The following SHISAL1 variants were observed in gnomAD, a reference collection of about 807,000 sequenced individuals.
The protein encoded by SHISAL1 is protein shisa-like-1.
In SHISAL1, 9 loss-of-function variants were observed where a neutral mutation model predicts 22.6. That is an observed-to-expected ratio of 0.40 (90% confidence interval 0.24 to 0.70). SHISAL1 has a LOEUF of 0.70. SHISAL1 is among the 30% of genes least tolerant of loss of function. The pLI is 0.39. For synonymous variants in SHISAL1, 119 were observed against 115.4 expected, an observed-to-expected ratio of 1.03 and a Z score of -0.20; for missense variants, 246 against 270.6, an observed-to-expected ratio of 0.91 and a Z score of 0.64.
chr22:44,315,942 C>T (rs963652308), upstream of SHISAL1, among the ~76,000 whole-genome samples: 3 of 152,188 alleles, frequency 2.0e-5, no homozygotes, highest in Non-Finnish European at 4.4e-5. Flanking sequence ...ATTCACAGTC[C>T]GGGGCAGGGA....
chr22:44,285,745 G>T lies in SHISAL1; in HGVS notation c.282C>A (p.Asn94Lys), dbSNP rs1321753886. The change falls in exon 4 of 5, where the codon AAC becomes AAA. Residue 94 changes from asparagine to lysine, a missense_variant and splice_region_variant. Around this residue, in one of 2 missense-constraint regions of SHISAL1, gnomAD observed 110 missense variants for 153.1 expected, o/e 0.72. Transcript: ENST00000381176. The part of the protein sequence containing the change: ...LTASSEGYMH[N>K]NYTALLGVWI... ...ACACTCCCAACAAGGCGGTGTAATTGCTGCGAACAAACAGAGAGGGAGTGA... is the reference window on the plus strand; with the variant it reads ...ACACTCCCAACAAGGCGGTGTAATTTCTGCGAACAAACAGAGAGGGAGTGA... The T allele has an allele frequency of 6.2e-7, 1 of 1,607,816 alleles. No homozygotes were observed. Among genetic ancestry groups the T allele is most frequent in the Admixed American group, 1.7e-5 (1 of 59,856 alleles).
At chr22:44,251,615 A>G (rs956686530) in intron 4 of SHISAL1, among the ~76,000 whole-genome samples, 1 of 152,226 alleles carries the variant, frequency 6.6e-6, no homozygotes, top group African/African-American at 2.4e-5. Context: ...GGCAAAAGGC[A>G]AGGAGGAGCA....
chr22:44,264,956 C>G (rs1440861957), intron 4 of SHISAL1, among the ~76,000 whole-genome samples: 2 of 152,120 alleles, frequency 1.3e-5, no homozygotes, highest in African/African-American at 4.8e-5. Flanking sequence ...CCCCAACACA[C>G]ACCAGAGCCC....
chr22:44,331,549 G>A, the SHISAL1 span, among the ~76,000 whole-genome samples: 13 of 149,858 alleles, frequency 8.7e-5, no homozygotes, highest in Non-Finnish European at 1.2e-4. The surrounding 1 kb of genome is among the most constrained non-coding windows in gnomAD (Gnocchi z 5.2). Flanking sequence ...CGGCGCCCGC[G>A]GGAGCCGCCT....
At chr22:44,263,064 T>C (rs2055136192) in intron 4 of SHISAL1, among the ~76,000 whole-genome samples, 1 of 88,184 alleles carries the variant, frequency 1.1e-5, no homozygotes, top group African/African-American at 3.7e-5. Context: ...CCTTCACGTA[T>C]TTTTTTCTTT....
At chr22:44,253,425 A>C (rs13055113) in intron 4 of SHISAL1, among the ~76,000 whole-genome samples, 2 of 107,884 alleles carry the variant, frequency 1.9e-5, no homozygotes. Context: ...GTATTAGTGC[A>C]TGTTTTTTTT....
chr22:44,294,475 T>G (rs1328511654), intron 3 of SHISAL1, among the ~76,000 whole-genome samples: 1 of 152,130 alleles, frequency 6.6e-6, no homozygotes, highest in Non-Finnish European at 1.5e-5. Context: ...TTTTTCCTTA[T>G]CATGAAAAAA....
In SHISAL1 at chr22:44,246,232, A is replaced by C. The variant is rs1215322453; in HGVS notation, c.*3453T>G. The C allele has an allele frequency of 6.6e-6, 1 of 152,218 alleles. No homozygotes were observed. Among genetic ancestry groups the C allele is most frequent in the Non-Finnish European group, 1.5e-5 (1 of 68,040 alleles). The allele number at this position is 152,218 out of a possible 1,614,324, so 9.4% of individuals were successfully genotyped here. ...ACAACAATCACACCGTACACAGACG[A>C]GAGGGAAAGCATAAAACTGCTCATT... On this transcript the variant is annotated 3_prime_UTR_variant, in exon 5 of 5. Transcript: ENST00000381176.
In SHISAL1 at chr22:44,285,457, C is replaced by A. The variant is rs768639905; in HGVS notation, c.570G>T (p.Pro190=). 1.9e-6 allele frequency: 3 copies of A among 1,614,050 alleles called. No individual in the cohort carries two copies. Among genetic ancestry groups the A allele is most frequent in the East Asian group, 2.2e-5 (1 of 44,866 alleles). ...HTLRGDAHSP[P]LMTFQSSSA is the part of the protein sequence containing the mutation. ...CAGACGAACTCTGGAAGGTCATCAG[C>A]GGTGGGCTGTGAGCATCTCCCCGCA... Residue 190 remains proline (P), a synonymous_variant, in exon 4 of 5, where the codon CCG becomes CCT. Coordinates refer to ENST00000381176, the MANE Select transcript of SHISAL1 (RefSeq NM_001099294.2).
intron 4 of SHISAL1, among the ~76,000 whole-genome samples, chr22:44,262,038 C>T (rs1270591886): frequency 2.0e-5 from 3 of 152,150 alleles, no homozygotes; most frequent in Admixed American, 6.5e-5. Flanking sequence ...CTTGAGGGCT[C>T]GAAGCGGGTA....
intron 3 of SHISAL1, among the ~76,000 whole-genome samples, chr22:44,292,069 A>C (rs1049043266): frequency 3.3e-5 from 5 of 152,188 alleles, no homozygotes; most frequent in African/African-American, 1.2e-4. Flanking sequence ...AGCCAGAACC[A>C]AAACAAACCA....
the SHISAL1 span, among the ~76,000 whole-genome samples, chr22:44,318,167 G>A: frequency 6.6e-6 from 1 of 152,254 alleles, no homozygotes; most frequent in Non-Finnish European, 1.5e-5. Flanking sequence ...CTGCAGGCCC[G>A]ATGCCATGCA....
At chr22:44,281,265 C>T (rs1266275149) in intron 4 of SHISAL1, among the ~76,000 whole-genome samples, 1 of 152,136 alleles carries the variant, frequency 6.6e-6, no homozygotes, top group Admixed American at 6.5e-5. Context: ...TGTGCTGGGG[C>T]CCTGAGTCGG....
At chr22:44,330,781 T>A in the SHISAL1 span, among the ~76,000 whole-genome samples, 1 of 152,218 alleles carries the variant, frequency 6.6e-6, no homozygotes, top group East Asian at 1.9e-4. Context: ...CGGGCACTAA[T>A]GAGCTTCCGA....
intron 4 of SHISAL1, among the ~76,000 whole-genome samples, chr22:44,266,319 A>T (rs1360221257): frequency 6.6e-6 from 1 of 152,038 alleles, no homozygotes; most frequent in Non-Finnish European, 1.5e-5. Context: ...TGTCTTCAGC[A>T]AAATATCTTG....
chr22:44,319,171 A>G, the SHISAL1 span, among the ~76,000 whole-genome samples: 1 of 152,230 alleles, frequency 6.6e-6, no homozygotes, highest in African/African-American at 2.4e-5. Context: ...ACAGGAGGAA[A>G]AGGCCATTCC....
At chr22:44,313,685 C>T (rs1346083389), upstream of SHISAL1, among the ~76,000 whole-genome samples, 1 of 152,170 alleles carries the variant, frequency 6.6e-6, no homozygotes, top group Non-Finnish European at 1.5e-5. Context: ...ACCCCCCCAG[C>T]CCATGGCCGT....
intron 4 of SHISAL1, among the ~76,000 whole-genome samples, chr22:44,274,875 G>A (rs1342806290): frequency 1.3e-5 from 2 of 152,174 alleles, no homozygotes; most frequent in East Asian, 1.9e-4. Flanking sequence ...TGAGGCATCT[G>A]CCATGGGCCG....
At chr22:44,326,661 C>T in the SHISAL1 span, among the ~76,000 whole-genome samples, 6 of 152,072 alleles carry the variant, frequency 3.9e-5, no homozygotes, top group African/African-American at 1.2e-4. Flanking sequence ...GGTAGGTGTG[C>T]GTGCAGGCAG....
Sources: allele counts gnomAD v4.1 joint callset (sites outside exome capture counted in the v4.1 genomes callset), GRCh38; gene constraint gnomAD v4.1.1; regional missense constraint gnomAD v4.1.1; non-coding constraint Gnocchi (gnomAD v3.1); transcripts MANE v1.5; gene names NCBI Gene and HGNC (gene_info 2026-07-23, HGNC 2026-07-21).